Variants in CRTAC1 observed in about 807,000 individuals in gnomAD.
CRTAC1 encodes acidic secreted protein in cartilage.
Under a neutral mutation model 67.8 loss-of-function variants are expected in CRTAC1, and 37 were observed. That is an observed-to-expected ratio of 0.55 (90% CI 0.42 to 0.72). CRTAC1 has a LOEUF of 0.72. Ranked by LOEUF, CRTAC1 falls within the 30% of genes least tolerant of loss-of-function variation. CRTAC1 has a pLI of 0.00. For synonymous variants in CRTAC1, 348 were observed against 371.0 expected (o/e 0.94, Z 0.71); for missense variants, 780 against 931.6 (o/e 0.84, Z 2.12).
chr10:98,023,800 T>A (rs772636283), intron 1 of CRTAC1, among the ~76,000 whole-genome samples: 1 of 152,136 alleles, frequency 6.6e-6, no homozygotes, highest in East Asian at 1.9e-4. Context: ...GACGCTCCCA[T>A]GTGGGAAGGG....
At chr10:97,944,113 G>C (rs183907511) in intron 2 of CRTAC1, among the ~76,000 whole-genome samples, 11 of 152,202 alleles carry the variant, frequency 7.2e-5, no homozygotes, top group Admixed American at 7.2e-4. Context: ...GATAACCTTT[G>C]GGGGAAAAAG....
chr10:98,010,270 C>T (rs1411650450), intron 2 of CRTAC1, among the ~76,000 whole-genome samples: 1 of 152,094 alleles, frequency 6.6e-6, no homozygotes, highest in African/African-American at 2.4e-5. Context: ...GAACTCCTGA[C>T]CTCAAGTGAT....
chr10:97,888,109 C>T (rs1199353610), intron 11 of CRTAC1, among the ~76,000 whole-genome samples: 2 of 152,220 alleles, frequency 1.3e-5, no homozygotes, highest in Non-Finnish European at 2.9e-5. Flanking sequence ...TTACACTGCC[C>T]ACCCTATCCC....
At chr10:97,884,164 T>C in intron 12 of CRTAC1, 42 bp downstream of exon 12, 1 of 1,542,380 alleles carries the variant, frequency 6.5e-7, no homozygotes, top group Non-Finnish European at 8.8e-7. Context: ...TTGTGGGTGG[T>C]GCCCGCTTTT....
chr10:97,973,371 G>C (rs73334613), intron 2 of CRTAC1, among the ~76,000 whole-genome samples: 8,876 of 151,730 alleles, frequency 0.058, 834 homozygotes, highest in African/African-American at 0.2. Flanking sequence ...GCTCTTTTTC[G>C]TGCCTGAAAT....
At chr10:97,898,448 G>A (rs1187828610) in intron 8 of CRTAC1, among the ~76,000 whole-genome samples, 1 of 152,184 alleles carries the variant, frequency 6.6e-6, no homozygotes, top group Non-Finnish European at 1.5e-5. Context: ...AGGGATAATT[G>A]GGGGCTAGAG....
chr10:98,002,440 C>T (rs1306433127), intron 2 of CRTAC1, among the ~76,000 whole-genome samples: 1 of 152,056 alleles, frequency 6.6e-6, no homozygotes, highest in Non-Finnish European at 1.5e-5. Context: ...CCTTGGTAAA[C>T]AGATCTACAG....
At chr10:97,906,471 A>G (rs1053999509) in intron 6 of CRTAC1, among the ~76,000 whole-genome samples, 51 of 152,056 alleles carry the variant, frequency 3.4e-4, no homozygotes, top group Non-Finnish European at 8.8e-5. Context: ...CTGACTTTCA[A>G]TTACGGGCCT....
intron 5 of CRTAC1, among the ~76,000 whole-genome samples, chr10:97,909,890 C>G (rs1343264275): frequency 6.6e-6 from 1 of 152,128 alleles, no homozygotes; most frequent in African/African-American, 2.4e-5. Context: ...AGAAGAAAAT[C>G]CTGTCATTTG....
intron 2 of CRTAC1, among the ~76,000 whole-genome samples, chr10:98,001,272 C>T (rs1842683459): frequency 6.6e-6 from 1 of 152,098 alleles, no homozygotes; most frequent in South Asian, 2.1e-4. Context: ...TAAAGATTAT[C>T]ATTTGAATAA....
chr10:98,011,771 T>C (rs1281949079), intron 1 of CRTAC1, among the ~76,000 whole-genome samples: 1 of 151,838 alleles, frequency 6.6e-6, no homozygotes, highest in African/African-American at 2.4e-5. Flanking sequence ...TTCATATTTG[T>C]GGAAGGAAGG....
At chr10:98,017,516 A>T (rs1291483071) in intron 1 of CRTAC1, among the ~76,000 whole-genome samples, 1 of 152,032 alleles carries the variant, frequency 6.6e-6, no homozygotes, top group East Asian at 1.9e-4. Context: ...CTGTGAGAAG[A>T]ATTGTTTTTT....
At chr10:98,018,248 A>G (rs1843043458) in intron 1 of CRTAC1, among the ~76,000 whole-genome samples, 1 of 142,118 alleles carries the variant, frequency 7.0e-6, no homozygotes, top group East Asian at 2.2e-4. Context: ...AGAGAGAGAG[A>G]CCAACATTGG....
intron 3 of CRTAC1, among the ~76,000 whole-genome samples, chr10:97,935,399 T>C (rs1398114883): frequency 6.6e-6 from 1 of 152,218 alleles, no homozygotes; most frequent in Non-Finnish European, 1.5e-5. Flanking sequence ...CCGTCATCCA[T>C]TCCTTAGTGT....
chr10:97,977,917 GC>G (rs1194140508), intron 2 of CRTAC1, among the ~76,000 whole-genome samples: 1 of 152,174 alleles, frequency 6.6e-6, no homozygotes, highest in African/African-American at 2.4e-5. Context: ...CTGGACTCCA[GC>G]CTGCTGCTGT....
chr10:98,012,432 G>A (rs146801164), intron 1 of CRTAC1, among the ~76,000 whole-genome samples: 20 of 152,278 alleles, frequency 1.3e-4, no homozygotes, highest in Non-Finnish European at 2.4e-4. Context: ...CTGGAAGGAG[G>A]TCCACAAAGG....
intron 5 of CRTAC1, among the ~76,000 whole-genome samples, chr10:97,910,019 A>C (rs61262769): frequency 0.029 from 4,429 of 152,164 alleles, 207 homozygotes; most frequent in African/African-American, 0.098. Context: ...CTCATAGAAG[A>C]AGAGAGTAGA....
chr10:97,977,054 G>A (rs912650074), intron 2 of CRTAC1, among the ~76,000 whole-genome samples: 9 of 152,182 alleles, frequency 5.9e-5, no homozygotes, highest in Non-Finnish European at 1.3e-4. Context: ...AGGAAAAGTG[G>A]AAGTATTTGC....
chr10:97,909,236 C>T (rs566413496), intron 5 of CRTAC1, among the ~76,000 whole-genome samples: 1 of 152,210 alleles, frequency 6.6e-6, no homozygotes, highest in Admixed American at 6.5e-5. Context: ...TGAAGACTCT[C>T]TGCTTGCCAG....
Sources: gnomAD v4.1 joint callset for allele counts (sites outside exome capture counted in the v4.1 genomes callset) on GRCh38, gnomAD v4.1.1 for gene constraint, MANE v1.5 for transcripts, NCBI Gene and HGNC (gene_info 2026-07-23, HGNC 2026-07-21) for gene names.